VPS13B: variants seen among roughly 807,000 people sequenced by gnomAD.
VPS13B encodes the protein intermembrane lipid transfer protein VPS13B.
Under a neutral mutation model 426.4 loss-of-function variants are expected in VPS13B, and 285 were observed. That is an observed-to-expected ratio of 0.67 (90% CI 0.61 to 0.74). The LOEUF (loss-of-function observed/expected upper bound fraction) is 0.74, where lower values mean the gene tolerates loss of function less well. Among genes scored for constraint, VPS13B ranks in the 30% least tolerant of loss-of-function variants. VPS13B has a pLI of 0.00. For missense variants in VPS13B, 4,537 were observed against 4,782.6 expected (o/e 0.95, Z 1.51); for synonymous variants, 1,676 against 1,676.4 (o/e 1.00, Z 0.01).
At chr8:99,084,770 G>C (rs1450654464) in intron 3 of VPS13B, among the ~76,000 whole-genome samples, 1 of 152,200 alleles carries the variant, frequency 6.6e-6, no homozygotes, top group Non-Finnish European at 1.5e-5. Context: ...GGCTTTGAGT[G>C]AGTTTCTGAA....
At chr8:99,157,997 A>G (rs1811447332) in intron 15 of VPS13B, among the ~76,000 whole-genome samples, 1 of 152,372 alleles carries the variant, frequency 6.6e-6, no homozygotes, top group East Asian at 1.9e-4. Context: ...AAGAAAAATT[A>G]GAAGCTGGCA....
chr8:99,583,837 T>C (rs2280060), intron 33 of VPS13B, among the ~76,000 whole-genome samples: 21,866 of 152,032 alleles, frequency 0.14, 2,110 homozygotes, highest in East Asian at 0.39. Context: ...GAGACTGGCA[T>C]GAAGGAGTAT....
intron 35 of VPS13B, among the ~76,000 whole-genome samples, chr8:99,684,294 C>T (rs969451592): frequency 7.2e-5 from 11 of 152,096 alleles, no homozygotes; most frequent in Admixed American, 2.0e-4. Context: ...CTTTTAGTAT[C>T]GGTAATGATG....
Position 99,036,900 on chromosome 8 carries a change from C to T in VPS13B, c.148-1523C>T, listed in dbSNP as rs181261410. Among the ~76,000 whole-genome samples, 961 of 152,160 alleles carry T rather than the reference C, an allele frequency of 6.3e-3. 8 individuals carry two copies. Among genetic ancestry groups the T allele is most frequent in the African/African-American group, 0.022 (902 of 41,532 alleles). Reference sequence around the variant, plus strand: ...AGGCAGTATTATAGTGGTTAATTGCCATGGCTGTGGAATAATATTTCTTAA... The same window carrying T: ...AGGCAGTATTATAGTGGTTAATTGCTATGGCTGTGGAATAATATTTCTTAA... On this transcript the variant is annotated intron_variant, in intron 2 of 61. Coordinates refer to ENST00000357162, the MANE Select transcript of VPS13B (RefSeq NM_152564.5).
chr8:99,232,204 A>G (rs761380423), intron 17 of VPS13B, among the ~76,000 whole-genome samples: 6 of 152,022 alleles, frequency 3.9e-5, no homozygotes, highest in Non-Finnish European at 8.8e-5. Flanking sequence ...GAGGGGAGGG[A>G]GGTGAGAGAT....
chr8:99,200,831 G>A (rs978412751), intron 17 of VPS13B, among the ~76,000 whole-genome samples: 1 of 151,874 alleles, frequency 6.6e-6, no homozygotes, highest in Non-Finnish European at 1.5e-5. Context: ...CTGTAATTTT[G>A]TGGGTTGTCT....
At position 99,853,728 on chromosome 8, in the gene VPS13B, C is replaced by G; in HGVS notation, c.10339C>G (p.Gln3447Glu). Residue 3447 changes from glutamine (Q) to glutamate (E), a missense_variant, in exon 56 of 62, where the codon CAG (glutamine) becomes GAG (glutamate). Coordinates refer to ENST00000357162, the MANE Select transcript of VPS13B (RefSeq NM_152564.5). ...TTTCCACTTTGCTGTCTTAGTCTGCCAGGGAGAAAAAGCAGAACCCATTCA... is the reference window on the plus strand; with the variant it reads ...TTTCCACTTTGCTGTCTTAGTCTGCGAGGGAGAAAAAGCAGAACCCATTCA... Reference protein sequence around the residue: ...SNFHFAVLVCQGEKAEPIQCS... With the variant: ...SNFHFAVLVCEGEKAEPIQCS... 1 of 1,614,176 alleles carries G rather than the reference C, an allele frequency of 6.2e-7. No homozygotes were observed. The highest frequency in any genetic ancestry group is 8.5e-7 in the Non-Finnish European group (1 of 1,180,034).
rs573064156 is a variant in VPS13B, at chr8:99,108,994, C to A, written c.581-2104C>A. On this transcript the variant is annotated intron_variant, in intron 5 of 61. Transcript: ENST00000357162. ...GTGAATCCAAAGGTCTTAGGCTTTT[C>A]TTTGATTGCTTTTTCCAGGTTTTGG... Among the ~76,000 whole-genome samples the A allele has an allele frequency of 3.3e-5, 5 of 152,172 alleles. No individual in the cohort carries two copies. The East Asian group carries it at 9.7e-4, about 29-fold the overall frequency.
chr8:99,219,032 A>G lies in VPS13B; in HGVS notation c.2515+25975A>G, dbSNP rs532694709. Among the ~76,000 whole-genome samples the G allele has an allele frequency of 2.6e-5, 4 of 152,188 alleles. No individual in the cohort carries two copies. The East Asian group carries it at 5.8e-4, about 22-fold the overall frequency. ...TGACCTCATCCTGGAATGGGCCCCT[A>G]CTGTGGTCATCAGCATGAGTGACCC... On this transcript the variant is annotated intron_variant, in intron 17 of 61. Transcript: ENST00000357162.
At chr8:99,314,837 A>G (rs1227082404) in intron 19 of VPS13B, among the ~76,000 whole-genome samples, 1 of 152,212 alleles carries the variant, frequency 6.6e-6, no homozygotes, top group Non-Finnish European at 1.5e-5. Flanking sequence ...TTGTTAAATA[A>G]TGTATCCTCT....
intron 17 of VPS13B, among the ~76,000 whole-genome samples, chr8:99,236,761 CAAATGGA>C (rs1461444175): frequency 1.9e-4 from 29 of 152,072 alleles, no homozygotes; most frequent in Non-Finnish European, 2.6e-4. Context: ...TTTAAAAAGG[CAAATGGA>C]GAATGGAGAA....
chr8:99,407,373 A>G (rs1053538250), intron 21 of VPS13B, among the ~76,000 whole-genome samples: 4 of 152,132 alleles, frequency 2.6e-5, no homozygotes, highest in African/African-American at 4.8e-5. Flanking sequence ...ATAGTCATAC[A>G]TATGTGGTTT....
intron 34 of VPS13B, among the ~76,000 whole-genome samples, chr8:99,649,195 G>A (rs75336388): frequency 0.043 from 6,498 of 151,998 alleles, 152 homozygotes; most frequent in East Asian, 0.06. Context: ...GTCTGGACTT[G>A]GTTTCTTTGA....
intron 3 of VPS13B, among the ~76,000 whole-genome samples, chr8:99,066,259 A>G (rs1456905929): frequency 6.6e-6 from 1 of 152,256 alleles, no homozygotes; most frequent in South Asian, 2.1e-4. Context: ...CTATCCTACA[A>G]GGCTACAGTA....
At chr8:99,277,382 G>A (rs566637609) in intron 19 of VPS13B, among the ~76,000 whole-genome samples, 1 of 151,886 alleles carries the variant, frequency 6.6e-6, no homozygotes, top group Admixed American at 6.6e-5. Context: ...CATGGCTTAG[G>A]TATTTATGAT....
chr8:99,228,337 G>A (rs1349501780), intron 17 of VPS13B, among the ~76,000 whole-genome samples: 2 of 152,120 alleles, frequency 1.3e-5, no homozygotes, highest in Non-Finnish European at 2.9e-5. Flanking sequence ...GTTATATGAA[G>A]TTGAAAAGAA....
chr8:99,288,997 G>A (rs2133039976), intron 19 of VPS13B, among the ~76,000 whole-genome samples: 1 of 151,370 alleles, frequency 6.6e-6, no homozygotes, highest in Middle Eastern at 3.4e-3. Flanking sequence ...AGGAGTTTGA[G>A]ACCAGCCTGG....
intron 17 of VPS13B, among the ~76,000 whole-genome samples, chr8:99,265,314 A>C (rs1221650760): frequency 6.6e-6 from 1 of 152,134 alleles, no homozygotes; most frequent in Admixed American, 6.6e-5. Context: ...GGGGAATTGG[A>C]CACAATTCAT....
chr8:99,027,654 A>T (rs1842208378), intron 2 of VPS13B, among the ~76,000 whole-genome samples: 1 of 151,426 alleles, frequency 6.6e-6, no homozygotes, highest in East Asian at 1.9e-4. Flanking sequence ...GTTTTCTTTC[A>T]TCATTTTGAA....
Sources: gnomAD v4.1 joint callset for allele counts (sites outside exome capture counted in the v4.1 genomes callset) on GRCh38, gnomAD v4.1.1 for gene constraint, MANE v1.5 for transcripts, NCBI Gene and HGNC (gene_info 2026-07-23, HGNC 2026-07-21) for gene names.